PATE4: variants seen among roughly 807,000 people sequenced by gnomAD.
PATE4 encodes the protein prostate and testis expressed protein 4.
PATE4 carries 13 observed loss-of-function variants against 8.5 expected under a neutral mutation model. That is an observed-to-expected ratio of 1.53 (90% CI 1.00 to 2.43). The LOEUF (loss-of-function observed/expected upper bound fraction) is 2.43, where lower values mean the gene tolerates loss of function less well. Ranked by LOEUF, PATE4 falls within the 30% of genes most tolerant of loss-of-function variation. The probability of loss-of-function intolerance (pLI) is 0.00; values close to 1 mark genes in which losing one functional copy is unlikely to be tolerated. For synonymous variants in PATE4, 47 were observed against 39.3 expected, an observed-to-expected ratio of 1.20 and a Z score of -0.73; for missense variants, 127 against 115.5, an observed-to-expected ratio of 1.10 and a Z score of -0.46.
chr11:125,833,863 A>G (rs1943903389), intron 1 of PATE4, among the ~76,000 whole-genome samples: 1 of 152,140 alleles, frequency 6.6e-6, no homozygotes, highest in Non-Finnish European at 1.5e-5. Flanking sequence ...CATGGCTTCA[A>G]TTACAATCTA....
chr11:125,838,150 G>A (rs1029455242), intron 2 of PATE4, among the ~76,000 whole-genome samples, 156 bp from the exon 3 acceptor site: 3 of 152,080 alleles, frequency 2.0e-5, no homozygotes, highest in Admixed American at 6.6e-5. Flanking sequence ...GTAGGGTTTA[G>A]TATCCAGAGC....
chr11:125,833,335 C>T lies in PATE4; in HGVS notation c.-25C>T, dbSNP rs186814546. ...CTTTCCAATACCTCACTCAGCACAC[C>T]GTCTGTCACCCAAACAAGCATCCAA... On this transcript the variant is annotated 5_prime_UTR_variant, in exon 1 of 3. Coordinates refer to ENST00000457514, the MANE Select transcript of PATE4 (RefSeq NM_001144874.1). 709 of 1,550,196 alleles carry T rather than the reference C, an allele frequency of 4.6e-4. 13 individuals carry two copies. The South Asian group carries it at 6.4e-3, about 14-fold the overall frequency.
At chr11:125,835,368 C>T (rs1943912647) in intron 1 of PATE4, 1 of 152,162 alleles carries the variant, frequency 6.6e-6, no homozygotes, top group East Asian at 1.9e-4. Flanking sequence ...AGCTGAGTTG[C>T]ATTACATACA....
At chr11:125,833,799 T>G (rs1342707101) in intron 1 of PATE4, among the ~76,000 whole-genome samples, 1 of 152,204 alleles carries the variant, frequency 6.6e-6, no homozygotes, top group Non-Finnish European at 1.5e-5. Flanking sequence ...CTGGGATACC[T>G]TAAGGCTTTA....
In PATE4 at chr11:125,838,019, G is replaced by A. The variant is rs143157404; in HGVS notation, c.175+35G>A. On this transcript the variant is annotated intron_variant, in intron 2 of 2. Transcript: ENST00000457514. ...GCTCATGAAGACTCCAAAATTGCCT[G>A]CAAAGAACCATCACTCTTGCTAGTG... is the stretch of plus-strand genomic sequence containing the variant. 5.6e-5 allele frequency: 82 copies of A among 1,453,292 alleles called. No homozygotes were observed. The Middle Eastern group carries it at 1.0e-3, about 18-fold the overall frequency. The allele number at this position is 1,453,292 out of a possible 1,614,324, so 90.0% of individuals were successfully genotyped here.
chr11:125,838,314 CAT>C lies in PATE4; in HGVS notation c.187_188del (p.Met63ValfsTer7), dbSNP rs1943935109. ...GGCTTCTTCATTTTCAGGAGACAAA[CAT>C]ATGTACTCAACACATATGTGTAAGT... is the stretch of plus-strand genomic sequence containing the variant. ...STTAYFRGDK[H>X]MYSTHMCKYK... On this transcript the variant is annotated frameshift_variant, in exon 3 of 3. Coordinates refer to ENST00000457514, the MANE Select transcript of PATE4 (RefSeq NM_001144874.1). LOFTEE classifies it low-confidence loss of function (END_TRUNC). 1.9e-6 allele frequency: 3 copies of C among 1,543,430 alleles called. No homozygotes were observed. Among genetic ancestry groups the C allele is most frequent in the Admixed American group, 2.1e-5 (1 of 48,568 alleles).
chr11:125,834,387 T>C (rs978753875), intron 1 of PATE4, among the ~76,000 whole-genome samples: 11 of 152,150 alleles, frequency 7.2e-5, no homozygotes, highest in South Asian at 4.1e-4. Flanking sequence ...AGTATGTAGA[T>C]AGTTCACACA....
intron 1 of PATE4, chr11:125,835,259 A>C (rs994837887): frequency 5.3e-5 from 8 of 152,196 alleles, no homozygotes; most frequent in African/African-American, 1.9e-4. Context: ...GGAGAAATTG[A>C]TAGTGTCCTC....
intron 1 of PATE4, among the ~76,000 whole-genome samples, chr11:125,834,154 T>A (rs113278996): frequency 0.014 from 2,114 of 152,332 alleles, 27 homozygotes; most frequent in Non-Finnish European, 0.022. Flanking sequence ...ATAATTTGTT[T>A]GTAAGCTTAG....
Position 125,833,403 on chromosome 11 carries a change from T to A in PATE4, c.44T>A (p.Leu15His). The A allele has an allele frequency of 6.4e-7, 1 of 1,551,544 alleles. No individual in the cohort carries two copies. Among genetic ancestry groups the A allele is most frequent in the Non-Finnish European group, 8.7e-7 (1 of 1,146,888 alleles). Residue 15 changes from leucine (L) to histidine (H), a missense_variant, in exon 1 of 3, where the codon CTC (leucine) becomes CAC (histidine). Coordinates refer to ENST00000457514, the MANE Select transcript of PATE4 (RefSeq NM_001144874.1). ...NTLLLVSLSF[L>H]YLKEVMGLKC... ...CTGCTCCTTGTGAGCTTATCTTTTC[T>A]CTACCTCAAAGAGGGTAAGTTTGAA...
At position 125,833,420 on chromosome 11, in the gene PATE4, A is replaced by G; in HGVS notation, c.58+3A>G. 1 of 1,551,220 alleles carries G rather than the reference A, an allele frequency of 6.4e-7. No individual in the cohort carries two copies. The stretch of plus-strand genomic sequence containing the variant: ...ATCTTTTCTCTACCTCAAAGAGGGT[A>G]AGTTTGAACAATGGGGGTGGAGGGA... On this transcript the variant is annotated splice_donor_region_variant and intron_variant, in intron 1 of 2. Transcript: ENST00000457514.
At chr11:125,838,217 T>C in intron 2 of PATE4, 89 bp from the exon 3 acceptor site, 1 of 1,371,892 alleles carries the variant, frequency 7.3e-7, no homozygotes, top group Non-Finnish European at 9.7e-7. Context: ...GACCCAGTGT[T>C]AAGTGCTATT....
chr11:125,838,403 CAG>C lies in PATE4; in HGVS notation c.275_276del (p.Arg92LysfsTer4). ...TGTTGAGAGTGACACTGTGCTGTGA[CAG>C]AAACTTCTGTAATGTCTTCTAATGG... ...GLLRVTLCCD[R>X]NFCNVF On this transcript the variant is annotated frameshift_variant, in exon 3 of 3. Coordinates refer to ENST00000457514, the MANE Select transcript of PATE4 (RefSeq NM_001144874.1). LOFTEE classifies it high-confidence loss of function. 1 of 1,550,068 alleles carries C rather than the reference CAG, an allele frequency of 6.5e-7. No homozygotes were observed. The highest frequency in any genetic ancestry group is 1.4e-5 in the African/African-American group (1 of 73,058).
chr11:125,837,196 C>A (rs748831086), intron 1 of PATE4, among the ~76,000 whole-genome samples: 3 of 152,166 alleles, frequency 2.0e-5, no homozygotes, highest in African/African-American at 7.2e-5. Context: ...CTAAATTACC[C>A]ATAGGCTCCA....
Position 125,839,456 on chromosome 11 carries a change from G to GT in PATE4, c.*1030dup. 6.6e-6 allele frequency: 1 copy of GT among 152,194 alleles called. No homozygotes were observed. Among genetic ancestry groups the GT allele is most frequent in the Non-Finnish European group, 1.5e-5 (1 of 68,044 alleles). The allele number at this position is 152,194 out of a possible 1,614,324, so 9.4% of individuals were successfully genotyped here. The stretch of plus-strand genomic sequence containing the variant: ...ATGTTCTGAAGCAATCAAACATGAT[G>GT]TCCTAATAGCTCAATTTATCAGTTC... On this transcript the variant is annotated 3_prime_UTR_variant, in exon 3 of 3. Coordinates refer to ENST00000457514, the MANE Select transcript of PATE4 (RefSeq NM_001144874.1).
Position 125,839,186 on chromosome 11 carries a change from C to T in PATE4, c.*759C>T, listed in dbSNP as rs1019449713. On this transcript the variant is annotated 3_prime_UTR_variant, in exon 3 of 3. Coordinates refer to ENST00000457514, the MANE Select transcript of PATE4 (RefSeq NM_001144874.1). ...AGTTTGCAATAATTTATTATAGCAG[C>T]AATGGGAAACTAATACAATCCAAAT... 5.3e-5 allele frequency: 8 copies of T among 152,260 alleles called. No individual in the cohort carries two copies. The highest frequency in any genetic ancestry group is 5.2e-4 in the Admixed American group (8 of 15,284). The allele number at this position is 152,260 out of a possible 1,614,324, so 9.4% of individuals were successfully genotyped here.
chr11:125,835,551 A>G (rs1943914024), intron 1 of PATE4: 1 of 152,154 alleles, frequency 6.6e-6, no homozygotes, highest in Admixed American at 6.6e-5. Flanking sequence ...TATAACCACC[A>G]GCTGCAGGAA....
chr11:125,833,951 T>A (rs1943903813), intron 1 of PATE4, among the ~76,000 whole-genome samples: 2 of 152,188 alleles, frequency 1.3e-5, no homozygotes, highest in South Asian at 4.1e-4. Flanking sequence ...AAACACCTCC[T>A]ACACTTGGAA....
intron 1 of PATE4, among the ~76,000 whole-genome samples, chr11:125,834,749 T>A (rs1159501061): frequency 2.0e-5 from 3 of 152,076 alleles, no homozygotes; most frequent in African/African-American, 7.2e-5. Flanking sequence ...GCAGATAATA[T>A]CAAAAAGTGC....
Sources: gnomAD v4.1 joint callset for allele counts (sites outside exome capture counted in the v4.1 genomes callset) on GRCh38, gnomAD v4.1.1 for gene constraint, MANE v1.5 for transcripts, NCBI Gene and HGNC (gene_info 2026-07-23, HGNC 2026-07-21) for gene names.